The following PCSK9 variants were observed in gnomAD, a reference collection of about 807,000 sequenced individuals.
The protein encoded by PCSK9 is convertase subtilisin/kexin type 9 preproprotein.
A neutral mutation model predicts 62.1 loss-of-function variants in PCSK9; 57 were observed. The observed-to-expected ratio is 0.92, with a 90% CI of 0.74 to 1.14. PCSK9 has a LOEUF of 1.14. Ranked by LOEUF, PCSK9 falls within the 50% of genes most tolerant of loss-of-function variation. PCSK9 has a pLI of 0.00. For synonymous variants in PCSK9, 387 were observed against 409.4 expected, an observed-to-expected ratio of 0.95 and a Z score of 0.66; for missense variants, 870 against 959.8, an observed-to-expected ratio of 0.91 and a Z score of 1.24.
intron 2 of PCSK9, among the ~76,000 whole-genome samples, chr1:55,045,699 ATTT>A (rs373507733): frequency 7.2e-6 from 1 of 139,854 alleles, no homozygotes; most frequent in Non-Finnish European, 1.6e-5. Context: ...GATGCACACC[ATTT>A]TTTTTTTTTT....
intron 9 of PCSK9, 88 bp from the exon 10 acceptor site, chr1:55,059,398 G>T: frequency 6.7e-7 from 1 of 1,486,234 alleles, no homozygotes; most frequent in South Asian, 1.2e-5. Context: ...ACACTGATGA[G>T]GGTGCTTGAG....
chr1:55,042,276 A>G (rs1409580314), intron 1 of PCSK9, among the ~76,000 whole-genome samples: 2 of 152,150 alleles, frequency 1.3e-5, no homozygotes, highest in Non-Finnish European at 2.9e-5. Context: ...ACAGTTCTTT[A>G]TCCACCGTCT....
intron 6 of PCSK9, 73 bp downstream of exon 6, chr1:55,056,262 G>T: frequency 5.7e-6 from 1 of 175,318 alleles, no homozygotes. Flanking sequence ...GGGCGGGCGG[G>T]CAGGCGGGCT....
At position 55,063,359 on chromosome 1, in the gene PCSK9, G is replaced by A; in HGVS notation, c.1864-10G>A. The A allele has an allele frequency of 6.2e-7, 1 of 1,613,022 alleles. No homozygotes were observed. Among genetic ancestry groups the A allele is most frequent in the South Asian group, 1.1e-5 (1 of 90,874 alleles). On this transcript the variant is annotated splice_polypyrimidine_tract_variant and intron_variant, in intron 11 of 11. Coordinates refer to ENST00000302118, the MANE Select transcript of PCSK9 (RefSeq NM_174936.4). Reference sequence around the variant, plus strand: ...TAGACATGTGCTTTCTTTTCCTCGGGCTCTGGCAGGTGACCGTGGCCTGCG... The same window carrying A: ...TAGACATGTGCTTTCTTTTCCTCGGACTCTGGCAGGTGACCGTGGCCTGCG...
intron 3 of PCSK9, among the ~76,000 whole-genome samples, chr1:55,048,086 T>C (rs939112671): frequency 2.0e-5 from 3 of 152,212 alleles, no homozygotes; most frequent in African/African-American, 7.2e-5. Flanking sequence ...GTTGATTCTC[T>C]GCAGTCCTGG....
intron 5 of PCSK9, among the ~76,000 whole-genome samples, chr1:55,055,626 C>T (rs188545032): frequency 2.0e-5 from 3 of 152,204 alleles, no homozygotes; most frequent in Non-Finnish European, 2.9e-5. Context: ...GTCTGAAATC[C>T]GCAGGGCAGG....
Position 55,057,471 on chromosome 1 carries a change from T to A in PCSK9, c.1137T>A (p.Phe379Leu). 1 of 1,613,962 alleles carries A rather than the reference T, an allele frequency of 6.2e-7. No individual in the cohort carries two copies. Among genetic ancestry groups the A allele is most frequent in the Non-Finnish European group, 8.5e-7 (1 of 1,180,016 alleles). The change falls in exon 7 of 12, where the codon TTT becomes TTA. Residue 379 changes from phenylalanine to leucine, a missense_variant. By Grantham distance (22) the Phe-to-Leu change is conservative. Coordinates refer to ENST00000302118, the MANE Select transcript of PCSK9 (RefSeq NM_174936.4). ...IGASSDCSTC[F>L]VSQSGTSQAA... ...CCTCCAGCGACTGCAGCACCTGCTT[T>A]GTGTCACAGAGTGGGACATCACAGG...
rs1436184137 is a variant in PCSK9 at position 55,058,612 on chromosome 1, T to C, written c.1468T>C (p.Ser490Pro). ...DEELLSCSSF[S>P]RSGKRRGERM... ...GGAGCTGCTGAGCTGCTCCAGTTTC[T>C]CCAGGAGTGGGAAGCGGCGGGGCGA... Residue 490 changes from serine to proline, a missense_variant, in exon 9 of 12, where the codon TCC becomes CCC. Ser to Pro is a moderately conservative substitution (Grantham distance 74). Transcript: ENST00000302118. 6.2e-7 allele frequency: 1 copy of C among 1,611,632 alleles called. No homozygotes were observed. The highest frequency in any genetic ancestry group is 8.5e-7 in the Non-Finnish European group (1 of 1,179,978).
intron 1 of PCSK9, among the ~76,000 whole-genome samples, chr1:55,042,241 G>A (rs1319853512): frequency 6.6e-6 from 1 of 152,202 alleles, no homozygotes; most frequent in East Asian, 1.9e-4. Context: ...CGAATTACAG[G>A]TGTGAGCCAC....
At position 55,061,552 on chromosome 1, in the gene PCSK9, A is replaced by G. The variant is rs1031712142; in HGVS notation, c.1859A>G (p.Glu620Gly). The G allele has an allele frequency of 6.3e-7, 1 of 1,595,142 alleles. No individual in the cohort carries two copies. Among genetic ancestry groups the G allele is most frequent in the Admixed American group, 1.7e-5 (1 of 57,182 alleles). Reference protein sequence around the residue: ...VKEHGIPAPQEQVTVACEEGW... With the variant: ...VKEHGIPAPQGQVTVACEEGW... ...GAGCATGGAATCCCGGCCCCTCAGG[A>G]GCAGGTGAAGAGGCCCGTGAGGCCG... The change falls in exon 11 of 12, where the codon GAG (glutamate) becomes GGG (glycine). Residue 620 changes from glutamate to glycine, a missense_variant. Glu to Gly is a moderately conservative substitution (Grantham distance 98). Transcript: ENST00000302118.
chr1:55,042,453 G>C (rs1285657393), intron 1 of PCSK9, among the ~76,000 whole-genome samples: 3 of 152,196 alleles, frequency 2.0e-5, no homozygotes, highest in Non-Finnish European at 4.4e-5. Context: ...CTTCCAAGCA[G>C]ACTCTGATTG....
rs368511429 is a variant in PCSK9 at position 55,046,552 on chromosome 1, C to A, written c.429C>A (p.Ile143=). 1.9e-6 allele frequency: 3 copies of A among 1,614,138 alleles called. No individual in the cohort carries two copies. The highest frequency in any genetic ancestry group is 2.5e-6 in the Non-Finnish European group (3 of 1,180,018). ...TGAAGTTGCCCCATGTCGACTACAT[C>A]GAGGAGGACTCCTCTGTCTTTGCCC... ...LALKLPHVDY[I]EEDSSVFAQS... The change falls in exon 3 of 12, where the codon ATC becomes ATA. Residue 143 remains isoleucine (I), a synonymous_variant. Coordinates refer to ENST00000302118, the MANE Select transcript of PCSK9 (RefSeq NM_174936.4).
At chr1:55,061,099 C>T (rs1006017763) in intron 10 of PCSK9, among the ~76,000 whole-genome samples, 3 of 152,316 alleles carry the variant, frequency 2.0e-5, no homozygotes, top group East Asian at 1.9e-4. Context: ...CCCTGCCTCA[C>T]TGTCTCCATC....
At chr1:55,057,310 C>T in intron 6 of PCSK9, 21 bp from the exon 7 acceptor site, 1 of 1,611,292 alleles carries the variant, frequency 6.2e-7, no homozygotes, top group Non-Finnish European at 8.5e-7. Flanking sequence ...TTCTCTGCCA[C>T]CCACCTCCTC....
At chr1:55,041,160 C>G (rs28362209) in intron 1 of PCSK9, among the ~76,000 whole-genome samples, 1 of 152,146 alleles carries the variant, frequency 6.6e-6, no homozygotes, top group Non-Finnish European at 1.5e-5. Flanking sequence ...ATGCAAGCCC[C>G]GGGGGGATCA....
chr1:55,040,618 A>C lies in PCSK9; in HGVS notation c.207+574A>C, dbSNP rs1037639281. On this transcript the variant is annotated intron_variant, in intron 1 of 11. Transcript: ENST00000302118. The surrounding 1 kb of genome is among the most constrained non-coding windows in gnomAD (Gnocchi z 4.1). ...GCAATTTCTTTATGACACAGAACTC[A>C]TGCTCTAGTATTCCATCTGTTTCAG... Among the ~76,000 whole-genome samples, 3 of 152,202 alleles carry C rather than the reference A, an allele frequency of 2.0e-5. No homozygotes were observed. Among genetic ancestry groups the C allele is most frequent in the Admixed American group, 6.5e-5 (1 of 15,282 alleles).
intron 5 of PCSK9, among the ~76,000 whole-genome samples, chr1:55,053,963 C>T (rs1644694534): frequency 6.6e-6 from 1 of 152,188 alleles, no homozygotes; most frequent in African/African-American, 2.4e-5. Context: ...TATTGCATGA[C>T]CTGGCACGGG....
rs367606156 is a variant in PCSK9, at chr1:55,061,485, G to A, written c.1792G>A (p.Ala598Thr). Reference sequence around the variant, plus strand: ...GGGCCACAGGGAGGCCAGCATCCACGCTTCCTGCTGCCATGCCCCAGGTCT... The same window carrying A: ...GGGCCACAGGGAGGCCAGCATCCACACTTCCTGCTGCCATGCCCCAGGTCT... ...CVGHREASIHASCCHAPGLEC... is the reference protein window; with the variant it reads ...CVGHREASIHTSCCHAPGLEC... Residue 598 changes from alanine to threonine, a missense_variant, in exon 11 of 12, where the codon GCT (alanine) becomes ACT (threonine). Transcript: ENST00000302118. 96 of 1,605,126 alleles carry A rather than the reference G, an allele frequency of 6.0e-5. No homozygotes were observed. Among genetic ancestry groups the A allele is most frequent in the East Asian group, 2.7e-4 (12 of 44,582 alleles).
rs762169784 is a variant in PCSK9, at chr1:55,057,368, C to T, written c.1034C>T (p.Pro345Leu). Reference protein sequence around the residue: ...TVGATNAQDQPVTLGTLGTNF... With the variant: ...TVGATNAQDQLVTLGTLGTNF... ...GGGGCCACCAATGCCCAAGACCAGC[C>T]GGTGACCCTGGGGACTTTGGGGACC... The change falls in exon 7 of 12, where the codon CCG (proline) becomes CTG (leucine). Residue 345 changes from proline to leucine, a missense_variant. By Grantham distance (98) the Pro-to-Leu change is moderately conservative. Transcript: ENST00000302118. 6 of 1,613,924 alleles carry T rather than the reference C, an allele frequency of 3.7e-6. No homozygotes were observed. Among genetic ancestry groups the T allele is most frequent in the African/African-American group, 2.7e-5 (2 of 74,938 alleles).
Sources: allele counts gnomAD v4.1 joint callset (sites outside exome capture counted in the v4.1 genomes callset), GRCh38; gene constraint gnomAD v4.1.1; non-coding constraint Gnocchi (gnomAD v3.1); transcripts MANE v1.5; gene names NCBI Gene and HGNC (gene_info 2026-07-23, HGNC 2026-07-21).